The following CGNL1 variants were observed in gnomAD, a reference collection of about 807,000 sequenced individuals.
CGNL1 encodes cingulin like 1, also known as cingulin-like protein 1.
Under a neutral mutation model 141.2 loss-of-function variants are expected in CGNL1, and 132 were observed. The ratio of observed to expected loss-of-function variants is 0.93; its 90% CI spans 0.81 to 1.08. CGNL1 has a LOEUF of 1.08. Among genes scored for constraint, CGNL1 ranks in the 50% least tolerant of loss-of-function variants. The pLI is 0.00. For missense variants in CGNL1, 1,870 were observed against 1,588.6 expected, an observed-to-expected ratio of 1.18 and a Z score of -3.01; for synonymous variants, 690 against 622.1, an observed-to-expected ratio of 1.11 and a Z score of -1.63.
In CGNL1 at chr15:57,439,456, C is replaced by T. The variant is rs753444724; in HGVS notation, c.1457C>T (p.Ser486Phe). ...SQESTVIRAP[S>F]LGAQSKKEEE... Reference sequence around the variant, plus strand: ...GAAAGTACAGTGATCCGTGCGCCCTCCCTTGGTGCACAGAGTAAAAAGGAG... The same window carrying T: ...GAAAGTACAGTGATCCGTGCGCCCTTCCTTGGTGCACAGAGTAAAAAGGAG... The change falls in exon 2 of 19, where the codon TCC (serine) becomes TTC (phenylalanine). Residue 486 changes from serine (S) to phenylalanine (F), a missense_variant. By Grantham distance (155) the Ser-to-Phe change is radical. Coordinates refer to ENST00000281282, the MANE Select transcript of CGNL1 (RefSeq NM_032866.5). 2 of 1,614,218 alleles carry T rather than the reference C, an allele frequency of 1.2e-6. No homozygotes were observed. Among genetic ancestry groups the T allele is most frequent in the East Asian group, 2.2e-5 (1 of 44,884 alleles).
In CGNL1 at chr15:57,438,339, A is replaced by T. The variant is rs139876229; in HGVS notation, c.340A>T (p.Ile114Leu). 1.9e-6 allele frequency: 3 copies of T among 1,614,138 alleles called. No individual in the cohort carries two copies. The highest frequency in any genetic ancestry group is 1.6e-4 in the Middle Eastern group (1 of 6,062). ...PENPYAQPSP[I>L]RNLKQPLLHE... Reference sequence around the variant, plus strand: ...AAACCCATACGCCCAGCCTAGCCCAATAAGAAACCTGAAACAGCCCCTGCT... The same window carrying T: ...AAACCCATACGCCCAGCCTAGCCCATTAAGAAACCTGAAACAGCCCCTGCT... The change falls in exon 2 of 19, where the codon ATA becomes TTA. Residue 114 changes from isoleucine to leucine, a missense_variant. By Grantham distance (5) the Ile-to-Leu change is conservative. Coordinates refer to ENST00000281282, the MANE Select transcript of CGNL1 (RefSeq NM_032866.5).
chr15:57,510,543 A>G (rs1216087368), intron 8 of CGNL1, among the ~76,000 whole-genome samples: 2 of 152,262 alleles, frequency 1.3e-5, no homozygotes, highest in African/African-American at 4.8e-5. Flanking sequence ...GCAAAGTCAC[A>G]GGGGAAAAGT....
intron 3 of CGNL1, among the ~76,000 whole-genome samples, chr15:57,441,088 A>G (rs1387800024): frequency 7.0e-6 from 1 of 142,502 alleles, no homozygotes; most frequent in East Asian, 2.1e-4. Flanking sequence ...AAAAAAAAAA[A>G]AGCTTTACAG....
intron 1 of CGNL1, among the ~76,000 whole-genome samples, chr15:57,395,956 C>A (rs551836426): frequency 8.5e-5 from 13 of 152,274 alleles, no homozygotes; most frequent in South Asian, 2.1e-4. Context: ...ACAAAGTTGC[C>A]TACTATTCTA....
At chr15:57,397,594 G>T (rs539247457) in intron 1 of CGNL1, among the ~76,000 whole-genome samples, 1 of 152,102 alleles carries the variant, frequency 6.6e-6, no homozygotes, top group Non-Finnish European at 1.5e-5. Context: ...GCCAGAAAAT[G>T]GAGAAAAAAC....
At chr15:57,504,455 G>A (rs1185965536) in intron 8 of CGNL1, among the ~76,000 whole-genome samples, 2 of 152,208 alleles carry the variant, frequency 1.3e-5, no homozygotes, top group Non-Finnish European at 2.9e-5. Flanking sequence ...TGTTTTTAAT[G>A]GATGTGAGCC....
chr15:57,383,105 G>C (rs2062441028), intron 1 of CGNL1, among the ~76,000 whole-genome samples: 1 of 152,086 alleles, frequency 6.6e-6, no homozygotes, highest in Admixed American at 6.6e-5. Context: ...AAGTTGATTA[G>C]CCTCCGTCCT....
In CGNL1 at chr15:57,509,830, A is replaced by G. The variant is rs116938098; in HGVS notation, c.2404-6950A>G. Among the ~76,000 whole-genome samples the G allele has an allele frequency of 5.7e-4, 87 of 152,308 alleles. 4 individuals carry two copies. In the East Asian group the frequency reaches 0.016, roughly 28 times the overall value. ...CTAAAAGTCAACTATTTTTAAAGTA[A>G]TGGAAATTTTGCAGTTCAGCATGTT... On this transcript the variant is annotated intron_variant, in intron 8 of 18. Transcript: ENST00000281282.
At position 57,545,659 on chromosome 15, in the gene CGNL1, G is replaced by A. The variant is rs779724854; in HGVS notation, c.3568G>A (p.Val1190Met). Reference sequence around the variant, plus strand: ...GAAAGTGAAGGAGCTGGTGATGCAGGTGGATGATGAGCACCTGTCATTGAC... The same window carrying A: ...GAAAGTGAAGGAGCTGGTGATGCAGATGGATGATGAGCACCTGTCATTGAC... ...ERKVKELVMQ[V>M]DDEHLSLTDQ... Residue 1190 changes from valine to methionine, a missense_variant, in exon 17 of 19, where the codon GTG becomes ATG. Physicochemically the swap from Val to Met is conservative, Grantham distance 21 (BLOSUM62 1). Coordinates refer to ENST00000281282, the MANE Select transcript of CGNL1 (RefSeq NM_032866.5). 4 of 1,613,742 alleles carry A rather than the reference G, an allele frequency of 2.5e-6. No individual in the cohort carries two copies. The East Asian group carries it at 6.7e-5, about 27-fold the overall frequency.
intron 8 of CGNL1, among the ~76,000 whole-genome samples, chr15:57,481,187 A>G (rs1297898888): frequency 6.6e-6 from 1 of 151,852 alleles, no homozygotes; most frequent in East Asian, 1.9e-4. Context: ...GCTAGATGCC[A>G]TATACCCTTT....
intron 1 of CGNL1, among the ~76,000 whole-genome samples, chr15:57,430,980 C>A (rs1454610670): frequency 6.6e-6 from 1 of 152,182 alleles, no homozygotes; most frequent in East Asian, 1.9e-4. Flanking sequence ...CCTCAGCCTC[C>A]CAAAGTGCTG....
intron 8 of CGNL1, among the ~76,000 whole-genome samples, chr15:57,487,926 G>A (rs1294398186): frequency 1.3e-5 from 2 of 152,202 alleles, no homozygotes; most frequent in African/African-American, 4.8e-5. Context: ...TCTTTGGCGT[G>A]TATACCTGGG....
In CGNL1 at chr15:57,438,124, T is replaced by G; in HGVS notation, c.125T>G (p.Val42Gly). ...AACTCCAAGGCAGGCTCCTACGGTG[T>G]CAGTATTCGGGTCCAGGGAATTGAT... Reference protein sequence around the residue: ...SQNSKAGSYGVSIRVQGIDGH... With the variant: ...SQNSKAGSYGGSIRVQGIDGH... The change falls in exon 2 of 19, where the codon GTC (valine) becomes GGC (glycine). Residue 42 changes from valine to glycine, a missense_variant. Coordinates refer to ENST00000281282, the MANE Select transcript of CGNL1 (RefSeq NM_032866.5). The G allele has an allele frequency of 6.2e-7, 1 of 1,614,206 alleles. No individual in the cohort carries two copies. The highest frequency in any genetic ancestry group is 8.5e-7 in the Non-Finnish European group (1 of 1,180,040).
chr15:57,416,935 C>T (rs1188734652), intron 1 of CGNL1, among the ~76,000 whole-genome samples: 1 of 152,252 alleles, frequency 6.6e-6, no homozygotes, highest in East Asian at 1.9e-4. Flanking sequence ...TATAGCTGAA[C>T]TCTGGAGTCA....
intron 4 of CGNL1, among the ~76,000 whole-genome samples, chr15:57,450,877 A>G (rs544512315): frequency 6.6e-6 from 1 of 152,264 alleles, no homozygotes; most frequent in Admixed American, 6.5e-5. Context: ...GATTAAATTT[A>G]TGAGATACAT....
At chr15:57,511,804 T>C (rs1311016140) in intron 8 of CGNL1, among the ~76,000 whole-genome samples, 1 of 152,262 alleles carries the variant, frequency 6.6e-6, no homozygotes, top group Non-Finnish European at 1.5e-5. Context: ...ATCGACTACC[T>C]GTACAAGTGA....
At chr15:57,511,155 T>C (rs1166629230) in intron 8 of CGNL1, among the ~76,000 whole-genome samples, 1 of 152,258 alleles carries the variant, frequency 6.6e-6, no homozygotes, top group African/African-American at 2.4e-5. Context: ...GAAAACTTCC[T>C]TCTGCTGTTT....
At chr15:57,480,858 C>T (rs1423026898) in intron 8 of CGNL1, among the ~76,000 whole-genome samples, 1 of 152,196 alleles carries the variant, frequency 6.6e-6, no homozygotes, top group Non-Finnish European at 1.5e-5. Context: ...AACCTTCTTA[C>T]TCTCACCAGT....
At chr15:57,395,928 C>T (rs1161932038) in intron 1 of CGNL1, among the ~76,000 whole-genome samples, 1 of 152,152 alleles carries the variant, frequency 6.6e-6, no homozygotes, top group Non-Finnish European at 1.5e-5. Context: ...TGTGCCTCCT[C>T]CTGATTGTTA....
Sources: gnomAD v4.1 joint callset for allele counts (sites outside exome capture counted in the v4.1 genomes callset) on GRCh38, gnomAD v4.1.1 for gene constraint, MANE v1.5 for transcripts, NCBI Gene and HGNC (gene_info 2026-07-23, HGNC 2026-07-21) for gene names.